PROSER1: variants seen among roughly 807,000 people sequenced by gnomAD.
PROSER1 encodes the protein proline and serine rich 1, also known as proline and serine-rich protein 1.
PROSER1 carries 36 observed loss-of-function variants against 71.8 expected under a neutral mutation model. The ratio of observed to expected loss-of-function variants is 0.50; its 90% CI spans 0.38 to 0.66. The LOEUF (loss-of-function observed/expected upper bound fraction) is 0.66. Among genes scored for constraint, PROSER1 ranks in the 30% least tolerant of loss-of-function variants. The pLI is 0.00. For missense variants in PROSER1, 1,107 were observed against 1,135.0 expected, an observed-to-expected ratio of 0.98 and a Z score of 0.35; for synonymous variants, 490 against 452.4, an observed-to-expected ratio of 1.08 and a Z score of -1.06.
At chr13:39,030,792 G>A (rs1300557135) in intron 3 of PROSER1, among the ~76,000 whole-genome samples, 1 of 152,046 alleles carries the variant, frequency 6.6e-6, no homozygotes, top group South Asian at 2.1e-4. Flanking sequence ...GCAAAGCACT[G>A]TCCTTTTGGA....
At chr13:39,031,441 C>G in intron 3 of PROSER1, 122 bp downstream of exon 3, 2 of 726,116 alleles carry the variant, frequency 2.8e-6, no homozygotes, top group Non-Finnish European at 4.6e-6. Context: ...AATCAAAGTA[C>G]AATAACACAT....
intron 10 of PROSER1, among the ~76,000 whole-genome samples, chr13:39,014,746 T>C (rs1869928453): frequency 6.6e-6 from 1 of 152,140 alleles, no homozygotes; most frequent in Non-Finnish European, 1.5e-5. Flanking sequence ...TGTCCTTTCA[T>C]GTTTTTCCGC....
chr13:39,037,135 CAAAG>C, intron 1 of PROSER1, 59 bp downstream of exon 1: 2 of 1,267,064 alleles, frequency 1.6e-6, no homozygotes, highest in Non-Finnish European at 2.3e-6. Context: ...TACAGTACCT[CAAAG>C]AGAGTCTAAA....
chr13:39,019,234 G>C (rs1870164636), intron 9 of PROSER1, among the ~76,000 whole-genome samples: 1 of 151,756 alleles, frequency 6.6e-6, no homozygotes, highest in Admixed American at 6.6e-5. Context: ...GGGCGCAGTG[G>C]CTCACACCTA....
In PROSER1 at chr13:39,011,260, T is replaced by G. The variant is rs886719968; in HGVS notation, c.*105A>C. The G allele has an allele frequency of 8.5e-7, 1 of 1,183,062 alleles. No individual in the cohort carries two copies. Among genetic ancestry groups the G allele is most frequent in the Non-Finnish European group, 1.2e-6 (1 of 825,678 alleles). 73.3% of individuals were successfully genotyped at this position (1,183,062 alleles called of 1,614,324 possible). A position where few individuals can be genotyped will look rare whatever the true frequency, so the allele number is the denominator to read the frequency against. On this transcript the variant is annotated 3_prime_UTR_variant, in exon 13 of 13. Transcript: ENST00000352251. ...CACAATTTCTCCAGGATTACCCTCATTCTCATTTTCCGACTTTTGGCCAGC... is the reference window on the plus strand; with the variant it reads ...CACAATTTCTCCAGGATTACCCTCAGTCTCATTTTCCGACTTTTGGCCAGC...
chr13:39,034,231 C>G (rs756693978), intron 1 of PROSER1, 35 bp from the exon 2 acceptor site: 1 of 1,516,188 alleles, frequency 6.6e-7, no homozygotes, highest in Non-Finnish European at 8.9e-7. Context: ...CAGAGTAAAA[C>G]AGCATTAATA....
rs1472959655 is a variant in PROSER1 at position 39,014,114 on chromosome 13, G to A, written c.1138C>T (p.Pro380Ser). The A allele has an allele frequency of 6.2e-7, 1 of 1,614,028 alleles. No individual in the cohort carries two copies. The highest frequency in any genetic ancestry group is 2.2e-5 in the East Asian group (1 of 44,858). The change falls in exon 11 of 13, where the codon CCT becomes TCT. Residue 380 changes from proline to serine, a missense_variant. Pro to Ser is a moderately conservative substitution (Grantham distance 74). Transcript: ENST00000352251. ...GPSATPTAAT[P>S]TPGPTPRSTL... ...GACCGTGGTGTAGGTCCTGGGGTAG[G>A]AGTGGCTGCGGTAGGAGTGGCAGAA...
chr13:39,028,289 T>A lies in PROSER1; in HGVS notation c.307A>T (p.Ile103Phe). 6.2e-7 allele frequency: 1 copy of A among 1,600,232 alleles called. No individual in the cohort carries two copies. Residue 103 changes from isoleucine to phenylalanine, a missense_variant, in exon 5 of 13, where the codon ATT becomes TTT. Coordinates refer to ENST00000352251, the MANE Select transcript of PROSER1 (RefSeq NM_025138.5). ...NIIDAQNSRP[I>F]EDLFRVNMSE... ...ATATTTACCCTGAATAAATCTTCAA[T>A]AGGACGAGAATTCTGTGCATCAATA...
At chr13:39,033,435 CA>C (rs1158106312) in intron 2 of PROSER1, among the ~76,000 whole-genome samples, 1 of 152,212 alleles carries the variant, frequency 6.6e-6, no homozygotes, top group African/African-American at 2.4e-5. Flanking sequence ...TCAATTGGAG[CA>C]TTTACTAACT....
Position 39,022,643 on chromosome 13 carries a change from A to G in PROSER1, c.644-231T>C, listed in dbSNP as rs531751139. The G allele has an allele frequency of 9.5e-4, 450 of 473,866 alleles. 1 individual carries two copies. Among genetic ancestry groups the G allele is most frequent in the South Asian group, 3.4e-3 (108 of 31,748 alleles). 29.4% of individuals were successfully genotyped at this position (473,866 alleles called of 1,614,324 possible). ...TTCCCACTGCATGCTCATTGCAGGG[A>G]TAAGTTCAGTGAATGGCATGGCAGG... On this transcript the variant is annotated intron_variant, in intron 8 of 12. Transcript: ENST00000352251.
At chr13:39,012,418 T>C in intron 11 of PROSER1, 185 bp from the exon 12 acceptor site, 1 of 688,924 alleles carries the variant, frequency 1.5e-6, no homozygotes, top group Non-Finnish European at 2.4e-6. Flanking sequence ...GTGAAGTATA[T>C]TATTCGAAAT....
chr13:39,028,438 AGT>A (rs1456879755), intron 4 of PROSER1, 118 bp from the exon 5 acceptor site: 1 of 500,856 alleles, frequency 2.0e-6, no homozygotes, highest in Non-Finnish European at 3.6e-6. Context: ...TAGGGAGAAA[AGT>A]GTGACTATTT....
At chr13:39,018,655 G>A (rs1426387359) in intron 9 of PROSER1, among the ~76,000 whole-genome samples, 1 of 151,588 alleles carries the variant, frequency 6.6e-6, no homozygotes, top group East Asian at 1.9e-4. Context: ...ATATCACTTA[G>A]AATGCCAAAA....
intron 3 of PROSER1, 110 bp downstream of exon 3, chr13:39,031,453 G>A: frequency 2.5e-6 from 2 of 790,214 alleles, no homozygotes; most frequent in Non-Finnish European, 4.2e-6. Context: ...ATAACACATA[G>A]AGTTCGCTTT....
At chr13:39,034,250 C>T in intron 1 of PROSER1, 54 bp from the exon 2 acceptor site, 1 of 1,432,984 alleles carries the variant, frequency 7.0e-7, no homozygotes, top group African/African-American at 1.5e-5. Context: ...TATACGTAAG[C>T]AGCACAGTAA....
At chr13:39,024,389 C>T in intron 7 of PROSER1, 84 bp downstream of exon 7, 2 of 1,029,380 alleles carry the variant, frequency 1.9e-6, no homozygotes, top group Non-Finnish European at 1.5e-6. Flanking sequence ...CTTTGCAACA[C>T]AAAAATAAAA....
chr13:39,028,415 G>A (rs141815525), intron 4 of PROSER1, 95 bp from the exon 5 acceptor site: 60 of 632,816 alleles, frequency 9.5e-5, no homozygotes, highest in African/African-American at 6.7e-4. Context: ...CTGAGTAAGC[G>A]TTCTCCATGA....
rs762164046 is a variant in PROSER1, at chr13:39,037,202, C to G, written c.41G>C (p.Arg14Thr). The G allele has an allele frequency of 6.2e-7, 1 of 1,605,036 alleles. No individual in the cohort carries two copies. Among genetic ancestry groups the G allele is most frequent in the Non-Finnish European group, 8.5e-7 (1 of 1,171,762 alleles). Residue 14 changes from arginine (R) to threonine (T), a missense_variant, in exon 1 of 13, where the codon AGA becomes ACA. By Grantham distance (71) the Arg-to-Thr change is moderately conservative. Transcript: ENST00000352251. Reference sequence around the variant, plus strand: ...TCATGGAATCGGTCTAATTACCTTTCTAATTTCATCCAGCACCATTTCAAA... The same window carrying G: ...TCATGGAATCGGTCTAATTACCTTTGTAATTTCATCCAGCACCATTTCAAA... ...KSFEMVLDEI[R>T]KAVLTEYKLK...
chr13:39,024,591 T>C (rs1207774779), intron 6 of PROSER1, 35 bp from the exon 7 acceptor site: 2 of 1,177,146 alleles, frequency 1.7e-6, no homozygotes, highest in Non-Finnish European at 2.3e-6. Flanking sequence ...AATTGAAACT[T>C]AAAAAAAAAA....
Sources: allele counts gnomAD v4.1 joint callset (sites outside exome capture counted in the v4.1 genomes callset), GRCh38; gene constraint gnomAD v4.1.1; transcripts MANE v1.5; gene names NCBI Gene and HGNC (gene_info 2026-07-23, HGNC 2026-07-21).